The following ME3 variants were observed in gnomAD, a reference collection of about 807,000 sequenced individuals.
ME3 encodes the protein NADP-dependent malic enzyme, mitochondrial.
In ME3, 48 loss-of-function variants were observed where a neutral mutation model predicts 68.9. The ratio of observed to expected loss-of-function variants is 0.70; its 90% CI spans 0.55 to 0.89. The LOEUF is 0.89. Among genes scored for constraint, ME3 ranks in the 40% least tolerant of loss-of-function variants. The pLI is 0.00. For missense variants in ME3, 675 were observed against 797.4 expected (o/e 0.85, Z 1.85); for synonymous variants, 320 against 318.8 (o/e 1.00, Z -0.04).
intron 8 of ME3, among the ~76,000 whole-genome samples, chr11:86,457,168 T>C (rs1949987981): frequency 6.6e-6 from 1 of 152,252 alleles, no homozygotes; most frequent in African/African-American, 2.4e-5. Context: ...CCCTCTCTAC[T>C]GGATCATTCT....
chr11:86,547,162 C>T (rs1450658136), intron 4 of ME3, among the ~76,000 whole-genome samples: 4 of 146,520 alleles, frequency 2.7e-5, no homozygotes, highest in East Asian at 2.1e-4. Context: ...GGTGTGAAGC[C>T]GGGAGGCAGA....
At chr11:86,554,453 A>G (rs574636612) in intron 4 of ME3, among the ~76,000 whole-genome samples, 12 of 152,208 alleles carry the variant, frequency 7.9e-5, no homozygotes, top group South Asian at 4.1e-4. Context: ...TACATGTTCA[A>G]TGATTCAATT....
intron 2 of ME3, among the ~76,000 whole-genome samples, chr11:86,670,769 A>T (rs1284258716): frequency 6.6e-6 from 1 of 152,184 alleles, no homozygotes; most frequent in African/African-American, 2.4e-5. Context: ...TGAAAAAAAA[A>T]TTTATTTTGC....
At chr11:86,558,642 T>C (rs1957048599) in intron 3 of ME3, among the ~76,000 whole-genome samples, 1 of 152,212 alleles carries the variant, frequency 6.6e-6, no homozygotes, top group South Asian at 2.1e-4. Context: ...TAGATAGAAC[T>C]GGCCAAGTTC....
chr11:86,451,007 C>A (rs145079522), intron 8 of ME3, among the ~76,000 whole-genome samples: 3 of 152,226 alleles, frequency 2.0e-5, no homozygotes, highest in Non-Finnish European at 2.9e-5. Flanking sequence ...TCCTTAAGAG[C>A]AGCTGACCAA....
At chr11:86,469,163 T>C (rs1451923597) in intron 7 of ME3, among the ~76,000 whole-genome samples, 1 of 152,086 alleles carries the variant, frequency 6.6e-6, no homozygotes, top group Admixed American at 6.5e-5. Context: ...ACAGAAAAAA[T>C]GCAGGAGTCT....
At chr11:86,532,537 A>G (rs371070655) in intron 4 of ME3, among the ~76,000 whole-genome samples, 82 of 152,354 alleles carry the variant, frequency 5.4e-4, no homozygotes, top group African/African-American at 1.8e-3. Flanking sequence ...TCTAATCACT[A>G]TGATATAAAA....
chr11:86,612,866 T>A (rs1942688378), intron 2 of ME3, among the ~76,000 whole-genome samples: 1 of 152,258 alleles, frequency 6.6e-6, no homozygotes, highest in African/African-American at 2.4e-5. Context: ...GATTGCCTGT[T>A]CACTCTGATG....
intron 7 of ME3, among the ~76,000 whole-genome samples, chr11:86,471,995 A>G (rs1177947136): frequency 6.6e-6 from 1 of 152,236 alleles, no homozygotes; most frequent in East Asian, 1.9e-4. Context: ...GAGGGCAGGC[A>G]GCTCTGCAGC....
At chr11:86,459,807 C>T (rs1950140900) in intron 8 of ME3, among the ~76,000 whole-genome samples, 1 of 152,224 alleles carries the variant, frequency 6.6e-6, no homozygotes, top group South Asian at 2.1e-4. Context: ...CCTGACATAA[C>T]ACACAGGAGC....
chr11:86,530,638 A>T (rs1424898736), intron 4 of ME3, among the ~76,000 whole-genome samples: 2 of 152,146 alleles, frequency 1.3e-5, no homozygotes, highest in African/African-American at 2.4e-5. Context: ...ATGGTACTGG[A>T]ACCAAAACAG....
At chr11:86,474,315 G>A (rs144814505) in intron 7 of ME3, among the ~76,000 whole-genome samples, 3 of 152,176 alleles carry the variant, frequency 2.0e-5, no homozygotes, top group Non-Finnish European at 2.9e-5. Context: ...CAGCTCTGAC[G>A]GCAAGTCTTG....
intron 13 of ME3, among the ~76,000 whole-genome samples, chr11:86,444,782 C>G (rs1478823341): frequency 6.6e-6 from 1 of 152,176 alleles, no homozygotes; most frequent in Non-Finnish European, 1.5e-5. Flanking sequence ...TATTAATTTT[C>G]CATGGGAAAA....
intron 4 of ME3, among the ~76,000 whole-genome samples, chr11:86,518,326 G>T (rs1954031768): frequency 6.6e-6 from 1 of 152,142 alleles, no homozygotes; most frequent in Non-Finnish European, 1.5e-5. Flanking sequence ...GTGAGAAAAT[G>T]CCCTTATCAT....
At chr11:86,552,481 T>C (rs1956743390) in intron 4 of ME3, among the ~76,000 whole-genome samples, 1 of 152,204 alleles carries the variant, frequency 6.6e-6, no homozygotes. Flanking sequence ...CTGCCTTTGG[T>C]AACTTGCCAC....
intron 4 of ME3, among the ~76,000 whole-genome samples, chr11:86,537,165 T>A (rs1226567820): frequency 6.7e-6 from 1 of 149,696 alleles, no homozygotes; most frequent in African/African-American, 2.5e-5. Context: ...AGGGATAGCA[T>A]TGGGAGATAC....
At chr11:86,547,648 A>G (rs1055607858) in intron 4 of ME3, among the ~76,000 whole-genome samples, 1 of 152,316 alleles carries the variant, frequency 6.6e-6, no homozygotes, top group East Asian at 1.9e-4. Context: ...AATAAAAAAT[A>G]ATTCAAAACC....
chr11:86,535,387 C>G lies in ME3; in HGVS notation c.467+21166G>C, dbSNP rs374156157. Reference sequence around the variant, plus strand: ...TCCTGCAGCAGCAGGCCAGGGCAATCTATGGAACCTCATTTGTGATGAGGA... The same window carrying G: ...TCCTGCAGCAGCAGGCCAGGGCAATGTATGGAACCTCATTTGTGATGAGGA... On this transcript the variant is annotated intron_variant, in intron 4 of 14. Transcript: ENST00000543262. 7.2e-5 allele frequency among the ~76,000 whole-genome samples: 11 copies of G among 152,260 alleles called. No individual in the cohort carries two copies. The East Asian group carries it at 1.9e-3, about 27-fold the overall frequency.
At chr11:86,510,431 A>T (rs766033441) in intron 4 of ME3, among the ~76,000 whole-genome samples, 10 of 152,182 alleles carry the variant, frequency 6.6e-5, no homozygotes, top group Non-Finnish European at 1.3e-4. Context: ...GCCATTATGC[A>T]TTAAAGTTCC....
Sources: allele counts gnomAD v4.1 joint callset (sites outside exome capture counted in the v4.1 genomes callset), GRCh38; gene constraint gnomAD v4.1.1; transcripts MANE v1.5; gene names NCBI Gene and HGNC (gene_info 2026-07-23, HGNC 2026-07-21).